CLMP: variants seen among roughly 807,000 people sequenced by gnomAD.
CLMP encodes CXADR like cell adhesion molecule, also known as CXADR-like membrane protein.
CLMP carries 27 observed loss-of-function variants against 45.2 expected under a neutral mutation model. The observed-to-expected ratio is 0.60, with a 90% CI of 0.44 to 0.82. The LOEUF is 0.82. Ranked by LOEUF, CLMP falls within the 40% of genes least tolerant of loss-of-function variation. The probability of loss-of-function intolerance (pLI) is 0.00; values close to 1 mark genes in which losing one functional copy is unlikely to be tolerated. For synonymous variants in CLMP, 167 were observed against 171.4 expected, an observed-to-expected ratio of 0.97 and a Z score of 0.20; for missense variants, 403 against 448.4, an observed-to-expected ratio of 0.90 and a Z score of 0.91.
chr11:123,173,421 T>C (rs915788768), intron 1 of CLMP, among the ~76,000 whole-genome samples: 3 of 152,230 alleles, frequency 2.0e-5, no homozygotes, highest in Non-Finnish European at 4.4e-5. Context: ...TGGACACATG[T>C]AGATGTGGGC....
At chr11:123,118,933 CTT>C (rs199537177) in intron 1 of CLMP, among the ~76,000 whole-genome samples, 4 of 18,672 alleles carry the variant, frequency 2.1e-4, no homozygotes, top group Non-Finnish European at 2.3e-4. Flanking sequence ...CTTTTCTTTT[CTT>C]TCTTTCTTTC....
chr11:123,150,352 G>A (rs1286947580), intron 1 of CLMP, among the ~76,000 whole-genome samples: 1 of 149,230 alleles, frequency 6.7e-6, no homozygotes, highest in Non-Finnish European at 1.5e-5. Flanking sequence ...AGAAAGGTGT[G>A]GGGGTTTGAC....
At chr11:123,123,367 C>T (rs1860845733) in intron 1 of CLMP, among the ~76,000 whole-genome samples, 1 of 148,066 alleles carries the variant, frequency 6.8e-6, no homozygotes, top group Admixed American at 6.9e-5. Flanking sequence ...TCAAGCCATT[C>T]TCGTGGATCA....
chr11:123,075,498 T>C (rs1241985991), intron 5 of CLMP, among the ~76,000 whole-genome samples: 1 of 151,938 alleles, frequency 6.6e-6, no homozygotes, highest in Non-Finnish European at 1.5e-5. Context: ...GCCATTCTCC[T>C]GCCTCAGCCT....
At chr11:123,157,268 A>G (rs950688722) in intron 1 of CLMP, among the ~76,000 whole-genome samples, 1 of 152,174 alleles carries the variant, frequency 6.6e-6, no homozygotes, top group East Asian at 1.9e-4. Context: ...TAAAGAAGAA[A>G]TGAGGGCGTG....
chr11:123,138,527 C>G (rs903570809), intron 1 of CLMP, among the ~76,000 whole-genome samples: 2 of 152,110 alleles, frequency 1.3e-5, no homozygotes, highest in Admixed American at 1.3e-4. Flanking sequence ...GATCTACTTT[C>G]TGATAGCAGC....
intron 1 of CLMP, among the ~76,000 whole-genome samples, chr11:123,126,953 G>T (rs1457951413): frequency 6.6e-6 from 1 of 151,002 alleles, no homozygotes; most frequent in Admixed American, 6.6e-5. Flanking sequence ...ACTTATAATT[G>T]TATGAAAAAG....
intron 1 of CLMP, among the ~76,000 whole-genome samples, chr11:123,132,935 T>G (rs1347441648): frequency 2.6e-5 from 4 of 151,652 alleles, no homozygotes; most frequent in Non-Finnish European, 5.9e-5. Flanking sequence ...GCCCAGCTAA[T>G]TTTTGTATTT....
chr11:123,179,673 CAGAGGCCAGTGT>C (rs1861744040), intron 1 of CLMP, among the ~76,000 whole-genome samples: 2 of 152,196 alleles, frequency 1.3e-5, no homozygotes, highest in South Asian at 4.1e-4. Context: ...CCGCAGGGGG[CAGAGGCCAGTGT>C]CCTGGGCCCC....
intron 3 of CLMP, 119 bp from the exon 4 acceptor site, chr11:123,083,966 T>G (rs531480068): frequency 8.8e-7 from 1 of 1,136,096 alleles, no homozygotes; most frequent in African/African-American, 1.5e-5. Context: ...GGTCAACTTT[T>G]GAGTGGGGAT....
At chr11:123,152,563 TAAA>T (rs776169616) in intron 1 of CLMP, among the ~76,000 whole-genome samples, 1,822 of 150,056 alleles carry the variant, frequency 0.012, 23 homozygotes, top group African/African-American at 0.04. Flanking sequence ...AATAAATAAA[TAAA>T]AAATAAATAA....
chr11:123,091,289 G>A (rs1311066351), intron 2 of CLMP, among the ~76,000 whole-genome samples: 3 of 152,232 alleles, frequency 2.0e-5, no homozygotes, highest in Non-Finnish European at 2.9e-5. Flanking sequence ...AGTTTTAGTA[G>A]AGATGGGGTT....
chr11:123,087,431 C>A (rs1865878296), intron 2 of CLMP, among the ~76,000 whole-genome samples: 1 of 152,018 alleles, frequency 6.6e-6, no homozygotes, highest in Non-Finnish European at 1.5e-5. Context: ...ATCACTTGAA[C>A]CTGGGAGGCA....
At chr11:123,119,993 C>T (rs1327950880) in intron 1 of CLMP, among the ~76,000 whole-genome samples, 2 of 152,092 alleles carry the variant, frequency 1.3e-5, no homozygotes, top group Non-Finnish European at 2.9e-5. Flanking sequence ...GGCATAGGGT[C>T]TTATCTTTAT....
At chr11:123,119,879 G>A (rs376774261) in intron 1 of CLMP, among the ~76,000 whole-genome samples, 1 of 152,092 alleles carries the variant, frequency 6.6e-6, no homozygotes, top group Non-Finnish European at 1.5e-5. Flanking sequence ...TAGAGACAAG[G>A]TTTCACCATG....
chr11:123,085,598 A>T (rs1306639483), intron 2 of CLMP, among the ~76,000 whole-genome samples: 3 of 136,068 alleles, frequency 2.2e-5, no homozygotes, highest in Non-Finnish European at 4.7e-5. Flanking sequence ...ACAAAGATAA[A>T]AAAAAAAAAA....
intron 1 of CLMP, among the ~76,000 whole-genome samples, chr11:123,118,981 CTTTCTT>C (rs1565387842): frequency 1.2e-4 from 6 of 50,284 alleles, no homozygotes; most frequent in Non-Finnish European, 1.4e-4. Flanking sequence ...TTCTTTCTTT[CTTTCTT>C]TCTTTCTTTC....
At chr11:123,179,222 G>A (rs1191713833) in intron 1 of CLMP, among the ~76,000 whole-genome samples, 3 of 152,236 alleles carry the variant, frequency 2.0e-5, no homozygotes, top group African/African-American at 4.8e-5. Flanking sequence ...AGAGGAGAAA[G>A]TCCTTTCTCA....
intron 1 of CLMP, among the ~76,000 whole-genome samples, chr11:123,140,503 A>AAG (rs930321458): frequency 1.7e-4 from 26 of 151,764 alleles, no homozygotes; most frequent in African/African-American, 5.6e-4. Flanking sequence ...CCAGATGACA[A>AAG]TGTGGGGGGG....
Sources: allele counts gnomAD v4.1 joint callset (sites outside exome capture counted in the v4.1 genomes callset), GRCh38; gene constraint gnomAD v4.1.1; transcripts MANE v1.5; gene names NCBI Gene and HGNC (gene_info 2026-07-23, HGNC 2026-07-21).